TEKT5: variants seen among roughly 807,000 people sequenced by gnomAD.
TEKT5 encodes the protein tektin-5.
Under a neutral mutation model 48.7 loss-of-function variants are expected in TEKT5, and 52 were observed. That is an observed-to-expected ratio of 1.07 (90% CI 0.86 to 1.35). The LOEUF is 1.35. TEKT5 is among the 40% of genes most tolerant of loss of function. The probability of loss-of-function intolerance (pLI) is 0.00; values close to 1 mark genes in which losing one functional copy is unlikely to be tolerated. For missense variants in TEKT5, 831 were observed against 641.6 expected (o/e 1.30, Z -3.19); for synonymous variants, 318 against 267.6 (o/e 1.19, Z -1.84).
chr16:10,690,505 T>C, intron 1 of TEKT5: 1 of 913,914 alleles, frequency 1.1e-6, no homozygotes, highest in African/African-American at 1.8e-5. Flanking sequence ...TGCAGATGGG[T>C]GCCATATTGG....
chr16:10,688,448 T>A (rs1487225399), intron 3 of TEKT5, among the ~76,000 whole-genome samples: 2 of 152,322 alleles, frequency 1.3e-5, no homozygotes, highest in Admixed American at 6.5e-5. Flanking sequence ...CCCCCCTGCA[T>A]CCACGCCAAC....
Position 10,682,097 on chromosome 16 carries a change from G to C in TEKT5, c.759C>G (p.Leu253=), listed in dbSNP as rs560563013. ...TACACTGGGCCGAGCTTTTGTCTTC[G>C]AGGTCCCTCTCCAGCACGTGCTGAG... is the stretch of plus-strand genomic sequence containing the variant. The part of the protein sequence containing the change: ...RDAQHVLERD[L]EDKSSAQCID... The change falls in exon 4 of 7, where the codon CTC becomes CTG. Residue 253 remains leucine (L), a synonymous_variant. Transcript: ENST00000283025. The C allele has an allele frequency of 1.2e-6, 2 of 1,614,054 alleles. No homozygotes were observed. The highest frequency in any genetic ancestry group is 8.5e-7 in the Non-Finnish European group (1 of 1,180,004).
intron 5 of TEKT5, among the ~76,000 whole-genome samples, chr16:10,670,532 A>G (rs896440016): frequency 6.6e-6 from 1 of 152,220 alleles, no homozygotes; most frequent in African/African-American, 2.4e-5. Context: ...AAAAGAAGAG[A>G]GCATTTCAAA....
At position 10,681,998 on chromosome 16, in the gene TEKT5, G is replaced by T; in HGVS notation, c.858C>A (p.Asp286Glu). The T allele has an allele frequency of 1.2e-6, 2 of 1,613,576 alleles. No homozygotes were observed. The highest frequency in any genetic ancestry group is 1.7e-4 in the Middle Eastern group (1 of 6,056). The change falls in exon 4 of 7, where the codon GAC becomes GAA. Residue 286 changes from aspartate (D) to glutamate (E), a missense_variant. Transcript: ENST00000283025. ...ISFFHGMEKI[D>E]GTISVPETWA... ...AGGGGGAGTCTGATACTTACGTGCC[G>T]TCAATTTTCTCCATGCCGTGGAAGA...
At chr16:10,665,945 G>A (rs1048886975) in intron 5 of TEKT5, among the ~76,000 whole-genome samples, 1 of 152,178 alleles carries the variant, frequency 6.6e-6, no homozygotes, top group Non-Finnish European at 1.5e-5. Context: ...CTACAGGAAC[G>A]CAGTCTTCAA....
At chr16:10,672,461 C>T (rs1052746740) in intron 5 of TEKT5, among the ~76,000 whole-genome samples, 4 of 151,870 alleles carry the variant, frequency 2.6e-5, no homozygotes, top group Admixed American at 1.3e-4. Context: ...GGCGTGATGG[C>T]GGGGGGTGTC....
At chr16:10,659,403 G>A (rs1156304902) in intron 5 of TEKT5, among the ~76,000 whole-genome samples, 1 of 152,102 alleles carries the variant, frequency 6.6e-6, no homozygotes, top group Admixed American at 6.5e-5. Flanking sequence ...ATTTTGAGAT[G>A]GAGCCTCGCT....
intron 5 of TEKT5, among the ~76,000 whole-genome samples, chr16:10,660,527 A>G (rs1266027987): frequency 6.6e-6 from 1 of 152,072 alleles, no homozygotes; most frequent in Non-Finnish European, 1.5e-5. Context: ...CTGAGCCGCT[A>G]TCTCCTCATC....
At chr16:10,637,508 AC>A (rs1262103735) in intron 5 of TEKT5, among the ~76,000 whole-genome samples, 2 of 152,098 alleles carry the variant, frequency 1.3e-5, no homozygotes, top group African/African-American at 2.4e-5. Context: ...GGAAGACAAA[AC>A]TTTTTATCTG....
chr16:10,654,622 C>G (rs1308695214), intron 5 of TEKT5, among the ~76,000 whole-genome samples: 1 of 152,118 alleles, frequency 6.6e-6, no homozygotes, highest in East Asian at 1.9e-4. Flanking sequence ...CCATCTTCTC[C>G]TACCCTTGGA....
intron 2 of TEKT5, 28 bp downstream of exon 2, chr16:10,689,914 G>C (rs1184053599): frequency 6.2e-7 from 1 of 1,612,346 alleles, no homozygotes; most frequent in Non-Finnish European, 8.5e-7. Context: ...TCCTTCAGGG[G>C]GCTGGGCAGA....
rs764416077 is a variant in TEKT5 at position 10,694,682 on chromosome 16, G to C, written c.192C>G (p.Cys64Trp). 1 of 1,613,310 alleles carries C rather than the reference G, an allele frequency of 6.2e-7. No homozygotes were observed. Among genetic ancestry groups the C allele is most frequent in the African/African-American group, 1.3e-5 (1 of 74,918 alleles). ...LFYKIANVQT[C>W]PDESTSTLRP... ...GCAGGGTACTGGTGCTCTCGTCCGG[G>C]CAGGTCTGGACGTTGGCTATCTTGT... The change falls in exon 1 of 7, where the codon TGC becomes TGG. Residue 64 changes from cysteine (C) to tryptophan (W), a missense_variant. Physicochemically the swap from Cys to Trp is radical, Grantham distance 215. Coordinates refer to ENST00000283025, the MANE Select transcript of TEKT5 (RefSeq NM_144674.2).
intron 1 of TEKT5, 126 bp from the exon 2 acceptor site, chr16:10,690,151 A>T: frequency 2.2e-6 from 2 of 917,332 alleles, no homozygotes; most frequent in Non-Finnish European, 1.7e-6. Context: ...GCTTCATGTG[A>T]CCTCACTACT....
At chr16:10,651,671 G>A (rs2541554) in intron 5 of TEKT5, among the ~76,000 whole-genome samples, 68,373 of 152,004 alleles carry the variant, frequency 0.45, 17,352 homozygotes, top group African/African-American at 0.7. Flanking sequence ...TAAAGACAAG[G>A]GTACACAGCC....
rs187497674 is a variant in TEKT5 at position 10,635,985 on chromosome 16, G to C, written c.1087-67C>G. The C allele has an allele frequency of 1.8e-5, 29 of 1,582,602 alleles. No individual in the cohort carries two copies. In the East Asian group the frequency reaches 5.4e-4, roughly 29 times the overall value. ...CTGACCTCCTCTGACTGGGGGCCTG[G>C]GGGGAGCAAGTCAGCTAGGTCAGCC... On this transcript the variant is annotated intron_variant, in intron 5 of 6. Transcript: ENST00000283025.
intron 4 of TEKT5, among the ~76,000 whole-genome samples, chr16:10,680,436 G>C (rs903276038): frequency 1.4e-5 from 2 of 147,614 alleles, no homozygotes; most frequent in African/African-American, 2.5e-5. Flanking sequence ...CATGTGCCAA[G>C]CACAATTCTA....
In TEKT5 at chr16:10,692,389, G is replaced by A. The variant is rs187683551; in HGVS notation, c.564+1921C>T. ...TATGCCATGTCTCCCAGGGAGATCC[G>A]GAGGCAGGATCTCTCCTACGGAAGC... On this transcript the variant is annotated intron_variant, in intron 1 of 6. Coordinates refer to ENST00000283025, the MANE Select transcript of TEKT5 (RefSeq NM_144674.2). Among the ~76,000 whole-genome samples, 336 of 152,210 alleles carry A rather than the reference G, an allele frequency of 2.2e-3. 2 individuals carry two copies. Among genetic ancestry groups the A allele is most frequent in the South Asian group, 5.6e-3 (27 of 4,814 alleles).
intron 4 of TEKT5, among the ~76,000 whole-genome samples, chr16:10,677,503 G>A (rs1199734929): frequency 3.4e-5 from 5 of 146,406 alleles, no homozygotes; most frequent in East Asian, 4.1e-4. Flanking sequence ...CCAGCTACTC[G>A]GAAGGCTGAG....
chr16:10,661,689 G>A (rs1019836763), intron 5 of TEKT5, among the ~76,000 whole-genome samples: 1 of 152,260 alleles, frequency 6.6e-6, no homozygotes, highest in East Asian at 1.9e-4. Context: ...GCGGAGTGAG[G>A]AGAGGCCAGT....
Sources: gnomAD v4.1 joint callset for allele counts (sites outside exome capture counted in the v4.1 genomes callset) on GRCh38, gnomAD v4.1.1 for gene constraint, MANE v1.5 for transcripts, NCBI Gene and HGNC (gene_info 2026-07-23, HGNC 2026-07-21) for gene names.